RPS6KA5: variants seen among roughly 807,000 people sequenced by gnomAD.
RPS6KA5 encodes the protein ribosomal protein S6 kinase A5, also known as ribosomal protein S6 kinase alpha-5.
RPS6KA5 carries 27 observed loss-of-function variants against 85.5 expected under a neutral mutation model. That is an observed-to-expected ratio of 0.32 (90% CI 0.23 to 0.44). The LOEUF is 0.44. Among genes scored for constraint, RPS6KA5 ranks in the 20% least tolerant of loss-of-function variants. The probability of loss-of-function intolerance (pLI) is 1.00; values close to 1 mark genes in which losing one functional copy is unlikely to be tolerated. For synonymous variants in RPS6KA5, 334 were observed against 348.2 expected, an observed-to-expected ratio of 0.96 and a Z score of 0.46; for missense variants, 811 against 980.9, an observed-to-expected ratio of 0.83 and a Z score of 2.31.
Position 90,856,358 on chromosome 14 carries a change from TG to T in RPS6KA5, c.*15715del, listed in dbSNP as rs2032282986. On this transcript the variant is annotated 3_prime_UTR_variant, in exon 17 of 17. Coordinates refer to ENST00000614987, the MANE Select transcript of RPS6KA5 (RefSeq NM_004755.4). ...TAGCTACAGCCTTTCTAGCTATGCG[TG>T]ATTTTTTTTTTTTTTTTTTTTGAGA... is the stretch of plus-strand genomic sequence containing the variant. 2 of 130,182 alleles carry T rather than the reference TG, an allele frequency of 1.5e-5. No homozygotes were observed. Among genetic ancestry groups the T allele is most frequent in the African/African-American group, 3.0e-5 (1 of 33,354 alleles). 8.1% of individuals were successfully genotyped at this position (130,182 alleles called of 1,614,324 possible).
chr14:90,974,037 C>CAA (rs56212923), intron 3 of RPS6KA5, among the ~76,000 whole-genome samples: 1,880 of 61,310 alleles, frequency 0.031, 170 homozygotes, highest in African/African-American at 0.098. Context: ...GACTCCATCT[C>CAA]AAAAAAAAAA....
At chr14:91,059,605 C>T (rs902379455) in intron 1 of RPS6KA5, among the ~76,000 whole-genome samples, 1 of 152,190 alleles carries the variant, frequency 6.6e-6, no homozygotes, top group East Asian at 1.9e-4. Flanking sequence ...CTTAGGACAA[C>T]GCTAGTGATC....
chr14:91,054,867 C>A (rs1371112390), intron 1 of RPS6KA5, among the ~76,000 whole-genome samples: 2 of 151,856 alleles, frequency 1.3e-5, no homozygotes, highest in Non-Finnish European at 2.9e-5. Flanking sequence ...AAAGACAGCT[C>A]ATTTATGGAG....
intron 5 of RPS6KA5, among the ~76,000 whole-genome samples, chr14:90,931,095 T>G (rs1482818792): frequency 6.6e-6 from 1 of 152,106 alleles, no homozygotes; most frequent in Non-Finnish European, 1.5e-5. Flanking sequence ...CACAACCACG[T>G]TCACTGTATT....
chr14:90,971,694 T>G (rs1424041267), intron 3 of RPS6KA5, among the ~76,000 whole-genome samples: 1 of 152,178 alleles, frequency 6.6e-6, no homozygotes, highest in African/African-American at 2.4e-5. Context: ...ACAAGCCCCA[T>G]CAAGAAGTCT....
In RPS6KA5 at chr14:90,854,632, C is replaced by G. The variant is rs2032182704; in HGVS notation, c.*17442G>C. ...AAATCTGGAATACTTTAACAGTAGA[C>G]TTTACTCAAATATCTAAAAGACGTA... On this transcript the variant is annotated 3_prime_UTR_variant, in exon 17 of 17. Coordinates refer to ENST00000614987, the MANE Select transcript of RPS6KA5 (RefSeq NM_004755.4). 3.3e-5 allele frequency: 5 copies of G among 152,106 alleles called. No individual in the cohort carries two copies. In the South Asian group the frequency reaches 1.0e-3, roughly 31 times the overall value. 9.4% of individuals were successfully genotyped at this position (152,106 alleles called of 1,614,324 possible).
chr14:90,937,897 T>C (rs1200698296), intron 5 of RPS6KA5, among the ~76,000 whole-genome samples: 2 of 152,126 alleles, frequency 1.3e-5, no homozygotes, highest in African/African-American at 4.8e-5. Flanking sequence ...AGCCAAACCA[T>C]ATCATTCCAC....
chr14:90,975,209 T>A (rs977464648), intron 3 of RPS6KA5, among the ~76,000 whole-genome samples: 1 of 152,202 alleles, frequency 6.6e-6, no homozygotes, highest in Non-Finnish European at 1.5e-5. Context: ...AGATTTATAG[T>A]ATTTACTTAG....
chr14:90,994,091 C>T (rs548606851), intron 2 of RPS6KA5, among the ~76,000 whole-genome samples: 2 of 152,212 alleles, frequency 1.3e-5, no homozygotes, highest in Non-Finnish European at 2.9e-5. Context: ...CAGGGTCTCA[C>T]TATGTTGCCC....
In RPS6KA5 at chr14:90,863,348, A is replaced by T. The variant is rs1451578898; in HGVS notation, c.*8726T>A. The T allele has an allele frequency of 7.0e-6, 1 of 143,532 alleles. No individual in the cohort carries two copies. Among genetic ancestry groups the T allele is most frequent in the African/African-American group, 2.5e-5 (1 of 40,408 alleles). 8.9% of individuals were successfully genotyped at this position (143,532 alleles called of 1,614,324 possible). ...AAAAAAAAGAAAAGAAAAGAAAAAAATATATATATATAGAATAGAAAAATA... is the reference window on the plus strand; with the variant it reads ...AAAAAAAAGAAAAGAAAAGAAAAAATTATATATATATAGAATAGAAAAATA... On this transcript the variant is annotated 3_prime_UTR_variant, in exon 17 of 17. Coordinates refer to ENST00000614987, the MANE Select transcript of RPS6KA5 (RefSeq NM_004755.4).
chr14:90,910,262 C>T (rs910495785), intron 7 of RPS6KA5, among the ~76,000 whole-genome samples: 1 of 152,120 alleles, frequency 6.6e-6, no homozygotes, highest in Admixed American at 6.5e-5. Flanking sequence ...AATTAAAATA[C>T]ACATCAGTAA....
rs2032100132 is a variant in RPS6KA5 at position 90,853,262 on chromosome 14, G to A, written c.*18812C>T. 1 of 151,982 alleles carries A rather than the reference G, an allele frequency of 6.6e-6. No individual in the cohort carries two copies. The highest frequency in any genetic ancestry group is 1.5e-5 in the Non-Finnish European group (1 of 68,002). 9.4% of individuals were successfully genotyped at this position (151,982 alleles called of 1,614,324 possible). ...TGTCATAATGATATTTTCCACTGTAGAAACTTCTTAGGTTATCACTCAAAA... is the reference window on the plus strand; with the variant it reads ...TGTCATAATGATATTTTCCACTGTAAAAACTTCTTAGGTTATCACTCAAAA... On this transcript the variant is annotated 3_prime_UTR_variant, in exon 17 of 17. Coordinates refer to ENST00000614987, the MANE Select transcript of RPS6KA5 (RefSeq NM_004755.4).
intron 12 of RPS6KA5, among the ~76,000 whole-genome samples, chr14:90,898,200 G>C (rs1170788562): frequency 2.0e-5 from 3 of 152,156 alleles, no homozygotes; most frequent in African/African-American, 7.2e-5. Context: ...CCAACTGTAA[G>C]ACCTGTTACT....
intron 3 of RPS6KA5, among the ~76,000 whole-genome samples, chr14:90,976,416 G>C (rs1461939832): frequency 6.6e-6 from 1 of 152,052 alleles, no homozygotes; most frequent in Non-Finnish European, 1.5e-5. Context: ...GGCTTTCCTG[G>C]AAATTCTAGG....
intron 4 of RPS6KA5, among the ~76,000 whole-genome samples, chr14:90,943,531 T>C (rs2037705017): frequency 6.6e-6 from 1 of 152,154 alleles, no homozygotes; most frequent in African/African-American, 2.4e-5. Flanking sequence ...CCAATTCTTG[T>C]CCATCACTTC....
At chr14:90,882,925 G>A (rs1484771366) in intron 14 of RPS6KA5, among the ~76,000 whole-genome samples, 1 of 152,012 alleles carries the variant, frequency 6.6e-6, no homozygotes, top group Non-Finnish European at 1.5e-5. Context: ...AGCCTCCCGA[G>A]TAGCTGGGAT....
chr14:91,032,662 T>G (rs2042231344), intron 1 of RPS6KA5, among the ~76,000 whole-genome samples: 1 of 151,506 alleles, frequency 6.6e-6, no homozygotes, highest in South Asian at 2.1e-4. Flanking sequence ...ACTGAGTGAG[T>G]TTTAACAGGA....
At chr14:90,983,540 C>T (rs1161548643) in intron 2 of RPS6KA5, among the ~76,000 whole-genome samples, 1 of 150,734 alleles carries the variant, frequency 6.6e-6, no homozygotes, top group Non-Finnish European at 1.5e-5. Flanking sequence ...GCAGAAGTTG[C>T]AGAGAGCTGA....
intron 16 of RPS6KA5, among the ~76,000 whole-genome samples, chr14:90,872,918 T>C (rs2033214532): frequency 6.6e-6 from 1 of 152,236 alleles, no homozygotes; most frequent in Non-Finnish European, 1.5e-5. Flanking sequence ...TTGCAACCTA[T>C]GTCACTGAGA....
Sources: gnomAD v4.1 joint callset for allele counts (sites outside exome capture counted in the v4.1 genomes callset) on GRCh38, gnomAD v4.1.1 for gene constraint, MANE v1.5 for transcripts, NCBI Gene and HGNC (gene_info 2026-07-23, HGNC 2026-07-21) for gene names.